The following BCR variants were observed in gnomAD, a reference collection of about 807,000 sequenced individuals.
BCR encodes the protein BCR activator of RhoGEF and GTPase.
In BCR, 58 loss-of-function variants were observed where a neutral mutation model predicts 138.6. That is an observed-to-expected ratio of 0.42 (90% CI 0.34 to 0.52). The LOEUF (loss-of-function observed/expected upper bound fraction) is 0.52, where lower values mean the gene tolerates loss of function less well. Ranked by LOEUF, BCR falls within the 20% of genes least tolerant of loss-of-function variation. The pLI, the probability that BCR is intolerant of heterozygous loss-of-function variation, is 0.06. For missense variants in BCR, 1,599 were observed against 1,727.2 expected (o/e 0.93, Z 1.32); for synonymous variants, 786 against 730.1 (o/e 1.08, Z -1.23).
intron 1 of BCR, among the ~76,000 whole-genome samples, chr22:23,226,436 G>T (rs1366318662): frequency 1.3e-5 from 2 of 152,046 alleles, no homozygotes; most frequent in African/African-American, 4.8e-5. Context: ...TGTGCTGATT[G>T]GTTCTTGGCA....
At chr22:23,263,954 CA>C (rs2073404265) in intron 4 of BCR, 1 of 904,294 alleles carries the variant, frequency 1.1e-6, no homozygotes, top group East Asian at 2.4e-5. Context: ...GGGACCTCAA[CA>C]GTGGGCAGCT....
chr22:23,189,355 G>A (rs1379563433), intron 1 of BCR, among the ~76,000 whole-genome samples: 9 of 151,988 alleles, frequency 5.9e-5, no homozygotes, highest in South Asian at 4.1e-4. Flanking sequence ...GGAAGCCACC[G>A]TTCTACTCTG....
At chr22:23,286,609 A>T (rs2073717155) in intron 10 of BCR, among the ~76,000 whole-genome samples, 1 of 152,130 alleles carries the variant, frequency 6.6e-6, no homozygotes, top group Non-Finnish European at 1.5e-5. Context: ...GTGGGGCCCT[A>T]CCTGGTGACA....
In BCR at chr22:23,191,241, G is replaced by A. The variant is rs959342987; in HGVS notation, c.1279+9002G>A. On this transcript the variant is annotated intron_variant, in intron 1 of 22. Coordinates refer to ENST00000305877, the MANE Select transcript of BCR (RefSeq NM_004327.4). ...GTGAGTTACTGCACACAGCCTGAATGTATTATTAACACAACTTTTTCCATC... is the reference window on the plus strand; with the variant it reads ...GTGAGTTACTGCACACAGCCTGAATATATTATTAACACAACTTTTTCCATC... 2.6e-5 allele frequency among the ~76,000 whole-genome samples: 4 copies of A among 152,332 alleles called. No individual in the cohort carries two copies. In the East Asian group the frequency reaches 5.8e-4, roughly 22 times the overall value.
At chr22:23,292,323 G>A (rs1602112183) in intron 14 of BCR, among the ~76,000 whole-genome samples, 3 of 152,214 alleles carry the variant, frequency 2.0e-5, no homozygotes, top group African/African-American at 7.2e-5. Context: ...TTTCCCAGCC[G>A]CACCCAGGGA....
chr22:23,254,952 C>T (rs1454321900), intron 2 of BCR, among the ~76,000 whole-genome samples: 2 of 152,164 alleles, frequency 1.3e-5, no homozygotes, highest in Non-Finnish European at 2.9e-5. Flanking sequence ...TGCTTGAGTC[C>T]AGGAGCTCGA....
chr22:23,274,063 T>A (rs1013479837), intron 8 of BCR, among the ~76,000 whole-genome samples: 15 of 152,134 alleles, frequency 9.9e-5, no homozygotes, highest in South Asian at 2.1e-4. Context: ...CCTTTTTTTT[T>A]ATCCCCCACA....
chr22:23,207,179 C>T (rs900523630), intron 1 of BCR, among the ~76,000 whole-genome samples: 6 of 152,130 alleles, frequency 3.9e-5, no homozygotes, highest in African/African-American at 1.4e-4. Flanking sequence ...TAGGCCTTGA[C>T]TTTGTCCTTG....
chr22:23,222,090 C>CAAA (rs749765519), intron 1 of BCR, among the ~76,000 whole-genome samples: 2 of 150,746 alleles, frequency 1.3e-5, no homozygotes, highest in African/African-American at 5.0e-5. Context: ...GACTCTGTCT[C>CAAA]AAAAAACAAA....
intron 11 of BCR, among the ~76,000 whole-genome samples, chr22:23,287,618 C>T (rs1290575382): frequency 5.9e-5 from 9 of 152,238 alleles, no homozygotes; most frequent in Non-Finnish European, 1.2e-4. Context: ...CTGAGTCTGG[C>T]TCCTGCTGCC....
chr22:23,240,638 C>T (rs985143961), intron 1 of BCR, among the ~76,000 whole-genome samples: 1 of 150,036 alleles, frequency 6.7e-6, no homozygotes, highest in South Asian at 2.1e-4. Context: ...GGTGACAGAG[C>T]GAGACTGTCT....
At chr22:23,269,914 G>A (rs1017697050) in intron 5 of BCR, among the ~76,000 whole-genome samples, 3 of 152,142 alleles carry the variant, frequency 2.0e-5, no homozygotes, top group East Asian at 1.9e-4. Context: ...TGGGGATCAC[G>A]TGGTGCCACC....
chr22:23,268,656 C>G (rs1297477589), intron 5 of BCR, 141 bp downstream of exon 5: 1 of 791,330 alleles, frequency 1.3e-6, no homozygotes, highest in Non-Finnish European at 2.1e-6. Flanking sequence ...TTCGTTGCGT[C>G]AGCCCTGTGC....
Position 23,181,308 on chromosome 22 carries a change from GC to G in BCR, c.351del (p.Asp118ThrfsTer61). The G allele has an allele frequency of 7.3e-7, 1 of 1,363,502 alleles. No individual in the cohort carries two copies. The allele number at this position is 1,363,502 out of a possible 1,614,324, so 84.5% of individuals were successfully genotyped here. On this transcript the variant is annotated frameshift_variant, in exon 1 of 23. Coordinates refer to ENST00000305877, the MANE Select transcript of BCR (RefSeq NM_004327.4). LOFTEE classifies it high-confidence loss of function. Reference sequence around the variant, plus strand: ...CGCCCGCCGAGGAGCCCGAGGCCCGGCCCGACGGCGAGGGTTCTCCGGGTAA... The same window carrying G: ...CGCCCGCCGAGGAGCCCGAGGCCCGGCCGACGGCGAGGGTTCTCCGGGTAA... ...PPPAEEPEAR[P>X]DGEGSPGKAR...
intron 1 of BCR, among the ~76,000 whole-genome samples, chr22:23,210,833 C>T (rs984047914): frequency 3.3e-5 from 5 of 152,142 alleles, no homozygotes; most frequent in African/African-American, 7.2e-5. Context: ...TTTTTATTAC[C>T]GAGGATTATT....
intron 1 of BCR, among the ~76,000 whole-genome samples, chr22:23,196,475 T>C (rs569685488): frequency 6.6e-6 from 1 of 152,246 alleles, no homozygotes; most frequent in South Asian, 2.1e-4. Context: ...AGGCAGGGAA[T>C]GTGGGCAAGA....
intron 11 of BCR, 24 bp from the exon 12 acceptor site, chr22:23,288,073 G>T: frequency 6.2e-7 from 1 of 1,611,318 alleles, no homozygotes; most frequent in Non-Finnish European, 8.5e-7. Flanking sequence ...AGATAACTGG[G>T]TGTGTTCTTC....
At position 23,300,504 on chromosome 22, in the gene BCR, T is replaced by C. The variant is rs1457764995; in HGVS notation, c.3012+5349T>C. 5.9e-5 allele frequency among the ~76,000 whole-genome samples: 9 copies of C among 152,240 alleles called. No individual in the cohort carries two copies. The South Asian group carries it at 1.2e-3, about 21-fold the overall frequency. On this transcript the variant is annotated intron_variant, in intron 16 of 22. Coordinates refer to ENST00000305877, the MANE Select transcript of BCR (RefSeq NM_004327.4). ...GGCATGGTCAGTGCTGTTGTGCACATGGACATAAGATCCACCCAACTTGGT... is the reference window on the plus strand; with the variant it reads ...GGCATGGTCAGTGCTGTTGTGCACACGGACATAAGATCCACCCAACTTGGT...
intron 2 of BCR, chr22:23,254,678 G>A (rs1448284074): frequency 2.1e-6 from 1 of 486,980 alleles, no homozygotes; most frequent in Admixed American, 2.0e-5. Context: ...ACAGCTCAGG[G>A]GGCTGCTTCA....
Sources: allele counts gnomAD v4.1 joint callset (sites outside exome capture counted in the v4.1 genomes callset), GRCh38; gene constraint gnomAD v4.1.1; transcripts MANE v1.5; gene names NCBI Gene and HGNC (gene_info 2026-07-23, HGNC 2026-07-21).